Variants in GUCA1C observed in about 807,000 individuals in gnomAD.
GUCA1C encodes guanylate cyclase activator 1C, also known as guanylyl cyclase-activating protein 3.
Under a neutral mutation model 16.2 loss-of-function variants are expected in GUCA1C, and 15 were observed. That is an observed-to-expected ratio of 0.93 (90% CI 0.62 to 1.43). The LOEUF (loss-of-function observed/expected upper bound fraction) is 1.43. Among genes scored for constraint, GUCA1C ranks in the 40% most tolerant of loss-of-function variants. The pLI, the probability that GUCA1C is intolerant of heterozygous loss-of-function variation, is 0.00. For synonymous variants in GUCA1C, 78 were observed against 85.4 expected (o/e 0.91, Z 0.48); for missense variants, 275 against 244.8 (o/e 1.12, Z -0.82).
chr3:108,931,949 T>C (rs1171979765), intron 1 of GUCA1C, among the ~76,000 whole-genome samples: 6 of 149,700 alleles, frequency 4.0e-5, no homozygotes, highest in African/African-American at 1.2e-4. Flanking sequence ...CCTCCCGAGT[T>C]CATGCCATTC....
At chr3:108,948,481 A>G (rs1157150453) in intron 1 of GUCA1C, among the ~76,000 whole-genome samples, 1 of 152,182 alleles carries the variant, frequency 6.6e-6, no homozygotes, top group Admixed American at 6.5e-5. Context: ...TCTTTATGGC[A>G]GTGTGAGAAC....
At chr3:108,910,908 C>A (rs569017064) in intron 3 of GUCA1C, among the ~76,000 whole-genome samples, 15 of 152,104 alleles carry the variant, frequency 9.9e-5, no homozygotes, top group Non-Finnish European at 2.2e-4. Context: ...CCTCGGCCCC[C>A]CAAAGTGCTG....
At chr3:108,954,735 CTTTT>C (rs35104093), upstream of GUCA1C, among the ~76,000 whole-genome samples, 6 of 129,296 alleles carry the variant, frequency 4.6e-5, no homozygotes, top group East Asian at 2.1e-4. Flanking sequence ...TATAGTTCTC[CTTTT>C]TTTTTTTTTT....
chr3:108,939,324 C>CTTTTTTTTGTTTTTTTTTTTTTTTTTT (rs1946761436), intron 1 of GUCA1C, among the ~76,000 whole-genome samples: 2 of 32,912 alleles, frequency 6.1e-5, no homozygotes, highest in Non-Finnish European at 1.2e-4. Context: ...TGCTTCAAGG[C>CTTTTTTTTGTTTTTTTTTTTTTTTTTT]TTTTTTTTTT....
At position 108,952,971 on chromosome 3, in the gene GUCA1C, A is replaced by C. The variant is rs138559933; in HGVS notation, c.204+588T>G. On this transcript the variant is annotated intron_variant, in intron 1 of 3. Coordinates refer to ENST00000261047, the MANE Select transcript of GUCA1C (RefSeq NM_005459.4). ...CAGGAATGAGTAAATTCAAGATAAA[A>C]GTTGAGTAACAATCTTTAGAAACAA... is the stretch of plus-strand genomic sequence containing the variant. Among the ~76,000 whole-genome samples, 948 of 152,302 alleles carry C rather than the reference A, an allele frequency of 6.2e-3. 13 individuals are homozygous for C. Among genetic ancestry groups the C allele is most frequent in the African/African-American group, 0.022 (917 of 41,562 alleles).
At chr3:108,953,535 G>T (rs766232906) in intron 1 of GUCA1C, 24 bp downstream of exon 1, 18 of 1,393,150 alleles carry the variant, frequency 1.3e-5, no homozygotes, top group Non-Finnish European at 1.6e-5. Context: ...ATTTTCAAAT[G>T]AAATGAAAAA....
rs181817720 is a variant in GUCA1C, at chr3:108,907,833, G to A, written c.*189C>T. On this transcript the variant is annotated 3_prime_UTR_variant, in exon 4 of 4. Coordinates refer to ENST00000261047, the MANE Select transcript of GUCA1C (RefSeq NM_005459.4). ...TGTTTTAATCTGCAGAGACAGCACA[G>A]AAAAGCAACAATGCATCTGTTTAGG... 5.5e-6 allele frequency: 3 copies of A among 545,798 alleles called. No homozygotes were observed. The Admixed American group carries it at 1.0e-4, about 18-fold the overall frequency. The allele number at this position is 545,798 out of a possible 1,614,324, so 33.8% of individuals were successfully genotyped here.
At chr3:108,944,642 C>T (rs1273549829) in intron 1 of GUCA1C, among the ~76,000 whole-genome samples, 1 of 152,188 alleles carries the variant, frequency 6.6e-6, no homozygotes, top group Non-Finnish European at 1.5e-5. Context: ...TAATGCAACC[C>T]CGTGTCTCAT....
chr3:108,919,853 G>T (rs947823004), intron 2 of GUCA1C, among the ~76,000 whole-genome samples: 1 of 151,996 alleles, frequency 6.6e-6, no homozygotes, highest in African/African-American at 2.4e-5. Context: ...CTTCATTTAG[G>T]TATAGTGTCC....
At chr3:108,943,530 G>A (rs1265037895) in intron 1 of GUCA1C, among the ~76,000 whole-genome samples, 1 of 151,996 alleles carries the variant, frequency 6.6e-6, no homozygotes, top group Admixed American at 6.6e-5. Flanking sequence ...ATAAGGAGGG[G>A]GACTATCTCC....
At chr3:108,911,808 A>G (rs1946457076) in intron 3 of GUCA1C, among the ~76,000 whole-genome samples, 1 of 152,142 alleles carries the variant, frequency 6.6e-6, no homozygotes, top group African/African-American at 2.4e-5. Flanking sequence ...ATATCTGCTC[A>G]ATAATCACCC....
chr3:108,911,307 A>G (rs1440668451), intron 3 of GUCA1C, among the ~76,000 whole-genome samples: 1 of 152,122 alleles, frequency 6.6e-6, no homozygotes, highest in Non-Finnish European at 1.5e-5. Context: ...CCCCTCAAAA[A>G]AGCAGAATTT....
chr3:108,918,902 A>AT (rs1203778969), intron 2 of GUCA1C, among the ~76,000 whole-genome samples: 1 of 151,994 alleles, frequency 6.6e-6, no homozygotes, highest in African/African-American at 2.4e-5. Flanking sequence ...GTTTTTTAAA[A>AT]TTTTTTGCTA....
At chr3:108,948,540 T>TA (rs201721679) in intron 1 of GUCA1C, among the ~76,000 whole-genome samples, 3 of 152,022 alleles carry the variant, frequency 2.0e-5, no homozygotes, top group Non-Finnish European at 4.4e-5. Context: ...CAGAGCTTCC[T>TA]AAAAAAAAGT....
chr3:108,930,216 A>G (rs978934959), intron 1 of GUCA1C, among the ~76,000 whole-genome samples: 11 of 152,234 alleles, frequency 7.2e-5, no homozygotes, highest in African/African-American at 2.7e-4. Context: ...TGCAGGCTGT[A>G]GTCTTTCTGG....
At chr3:108,950,199 A>G (rs1367387995) in intron 1 of GUCA1C, among the ~76,000 whole-genome samples, 1 of 152,110 alleles carries the variant, frequency 6.6e-6, no homozygotes, top group Non-Finnish European at 1.5e-5. Flanking sequence ...AGGTTCATCT[A>G]TGTTGCTGGA....
intron 1 of GUCA1C, among the ~76,000 whole-genome samples, chr3:108,940,591 C>A (rs770785263): frequency 6.6e-6 from 1 of 152,080 alleles, no homozygotes; most frequent in South Asian, 2.1e-4. Flanking sequence ...CAAAACAGCA[C>A]GAATAAATGT....
chr3:108,924,342 T>G lies in GUCA1C; in HGVS notation c.205-3757A>C, dbSNP rs188025010. On this transcript the variant is annotated intron_variant, in intron 1 of 3. Transcript: ENST00000261047. Reference sequence around the variant, plus strand: ...TTCTATACCAATTTTGCTGAGGGTTTTAATCATAAAGGGATGCTAGATTTT... The same window carrying G: ...TTCTATACCAATTTTGCTGAGGGTTGTAATCATAAAGGGATGCTAGATTTT... 9.2e-5 allele frequency among the ~76,000 whole-genome samples: 14 copies of G among 152,304 alleles called. No individual in the cohort carries two copies. The East Asian group carries it at 2.7e-3, about 29-fold the overall frequency.
chr3:108,913,260 G>C (rs1416764093), intron 3 of GUCA1C, among the ~76,000 whole-genome samples: 1 of 151,262 alleles, frequency 6.6e-6, no homozygotes, highest in Non-Finnish European at 1.5e-5. Flanking sequence ...TCAGTGTACA[G>C]TCAACAGCAT....
Sources: gnomAD v4.1 joint callset for allele counts (sites outside exome capture counted in the v4.1 genomes callset) on GRCh38, gnomAD v4.1.1 for gene constraint, MANE v1.5 for transcripts, NCBI Gene and HGNC (gene_info 2026-07-23, HGNC 2026-07-21) for gene names.